Variants in CAMKK2 observed in about 807,000 individuals in gnomAD.
CAMKK2 encodes the protein calcium/calmodulin dependent protein kinase kinase 2, also known as calcium/calmodulin-dependent protein kinase kinase 2.
A neutral mutation model predicts 67.2 loss-of-function variants in CAMKK2; 30 were observed. The observed-to-expected ratio is 0.45, with a 90% CI of 0.33 to 0.61. The LOEUF is 0.61. CAMKK2 is among the 20% of genes least tolerant of loss of function. The pLI, the probability that CAMKK2 is intolerant of heterozygous loss-of-function variation, is 0.02. For synonymous variants in CAMKK2, 322 were observed against 326.2 expected (o/e 0.99, Z 0.14); for missense variants, 643 against 802.0 (o/e 0.80, Z 2.39).
chr12:121,271,396 C>G (rs1452668947), intron 2 of CAMKK2, among the ~76,000 whole-genome samples: 2 of 152,056 alleles, frequency 1.3e-5, no homozygotes, highest in Non-Finnish European at 2.9e-5. Context: ...CGCACCTCTG[C>G]CCTCCCCCAG....
chr12:121,287,294 GCATCA>G (rs1289382661), intron 1 of CAMKK2, among the ~76,000 whole-genome samples: 1 of 152,102 alleles, frequency 6.6e-6, no homozygotes, highest in Admixed American at 6.6e-5. Flanking sequence ...TTGTCCATAT[GCATCA>G]CATTTTACAA....
At chr12:121,270,385 A>G (rs1357924931) in intron 3 of CAMKK2, among the ~76,000 whole-genome samples, 1 of 151,798 alleles carries the variant, frequency 6.6e-6, no homozygotes, top group Non-Finnish European at 1.5e-5. Flanking sequence ...AAAAAAAAAA[A>G]TCAAGATTCC....
chr12:121,270,760 T>C (rs1487638256), intron 3 of CAMKK2, 138 bp downstream of exon 3: 2 of 642,668 alleles, frequency 3.1e-6, no homozygotes, highest in Non-Finnish European at 5.6e-6. Flanking sequence ...AAAACCTAGA[T>C]CATTAATGAC....
At chr12:121,242,975 C>T (rs1888668958) in intron 16 of CAMKK2, among the ~76,000 whole-genome samples, 1 of 151,984 alleles carries the variant, frequency 6.6e-6, no homozygotes. Context: ...ATCTCCTGAC[C>T]TCGTCATTCG....
At position 121,248,621 on chromosome 12, in the gene CAMKK2, G is replaced by C; in HGVS notation, c.1437C>G (p.Pro479=). 1 of 1,614,206 alleles carries C rather than the reference G, an allele frequency of 6.2e-7. No individual in the cohort carries two copies. The highest frequency in any genetic ancestry group is 8.5e-7 in the Non-Finnish European group (1 of 1,180,016). The change falls in exon 14 of 17, where the codon CCC becomes CCG. Residue 479 remains proline (P), a synonymous_variant. Transcript: ENST00000404169. ...EEVENSVKHI[P]SLATVILVKT... ...TCCACCTTACCACGGTTGCCAAGCT[G>C]GGAATGTGTTTGACTGAGTTCTCGA...
intron 14 of CAMKK2, among the ~76,000 whole-genome samples, chr12:121,247,535 C>T (rs1188582856): frequency 1.3e-5 from 2 of 152,108 alleles, no homozygotes; most frequent in East Asian, 1.9e-4. Context: ...GTGCAGAGTC[C>T]GACGCCAGCT....
At position 121,248,660 on chromosome 12, in the gene CAMKK2, C is replaced by A; in HGVS notation, c.1398G>T (p.Val466=). 6.2e-7 allele frequency: 1 copy of A among 1,614,222 alleles called. No individual in the cohort carries two copies. The highest frequency in any genetic ancestry group is 1.1e-5 in the South Asian group (1 of 91,084). The change falls in exon 14 of 17, where the codon GTG becomes GTT. Residue 466 remains valine (V), a synonymous_variant. Transcript: ENST00000404169. The stretch of plus-strand genomic sequence containing the variant: ...CTGAGTTCTCGACCTCCTCTTCAGT[C>A]ACTTCGACCAGCGTGCAGTTCTCAT... ...SEDENCTLVE[V]TEEEVENSVK...
chr12:121,257,503 C>T (rs1417789896), intron 7 of CAMKK2, among the ~76,000 whole-genome samples: 2 of 152,166 alleles, frequency 1.3e-5, no homozygotes, highest in African/African-American at 4.8e-5. Flanking sequence ...CCACCTCGGC[C>T]TCCCAAAGTG....
intron 9 of CAMKK2, among the ~76,000 whole-genome samples, chr12:121,255,121 C>T (rs769368623): frequency 1.4e-5 from 2 of 141,368 alleles, no homozygotes; most frequent in South Asian, 4.3e-4. Context: ...GCTCTCCTTG[C>T]TCCTCAAGCT....
At chr12:121,270,159 G>T (rs1250718204) in intron 3 of CAMKK2, among the ~76,000 whole-genome samples, 1 of 152,050 alleles carries the variant, frequency 6.6e-6, no homozygotes. Context: ...ATCACTTGAG[G>T]TCAGGTTTGA....
rs758187344 is a variant in CAMKK2, at chr12:121,249,913, C to T, written c.1236-39G>A. On this transcript the variant is annotated intron_variant, in intron 12 of 16. Coordinates refer to ENST00000404169, the MANE Select transcript of CAMKK2 (RefSeq NM_001270485.2). The stretch of plus-strand genomic sequence containing the variant: ...GGCGTCAGGGTGGCAGACACGGGAC[C>T]GCCAAGAACTCGGACAGGAGAGATG... The T allele has an allele frequency of 2.0e-5, 33 of 1,611,522 alleles. No homozygotes were observed. The Admixed American group carries it at 4.0e-4, about 20-fold the overall frequency.
chr12:121,268,035 A>T (rs12227572), intron 5 of CAMKK2, among the ~76,000 whole-genome samples: 60,158 of 142,436 alleles, frequency 0.42, 13,493 homozygotes, highest in African/African-American at 0.56. Flanking sequence ...TTGGGGCATG[A>T]ATTGGTACTT....
intron 5 of CAMKK2, 79 bp from the exon 6 acceptor site, chr12:121,264,018 A>G: frequency 2.2e-6 from 3 of 1,382,416 alleles, no homozygotes; most frequent in Non-Finnish European, 2.9e-6. Flanking sequence ...TGGGATGCCA[A>G]AAGGTGGGAT....
upstream of CAMKK2, chr12:121,296,759 G>T (rs543759046): frequency 6.8e-6 from 1 of 146,570 alleles, no homozygotes; most frequent in Non-Finnish European, 1.5e-5. This position sits in a 1 kb window ranked among gnomAD's most constrained non-coding sequence, Gnocchi z 7.1. Context: ...CGCGCGGGGG[G>T]CGGGGGCGGG....
At chr12:121,241,931 C>A (rs1888462277) in intron 16 of CAMKK2, among the ~76,000 whole-genome samples, 1 of 152,220 alleles carries the variant, frequency 6.6e-6, no homozygotes, top group Admixed American at 6.5e-5. Context: ...ACCAAGGCAT[C>A]CTACCTGCTG....
In CAMKK2 at chr12:121,239,415, A is replaced by T. The variant is rs910307124; in HGVS notation, c.*1284T>A. 2.6e-5 allele frequency: 4 copies of T among 152,238 alleles called. No homozygotes were observed. The East Asian group carries it at 7.7e-4, about 29-fold the overall frequency. The allele number at this position is 152,238 out of a possible 1,614,324, so 9.4% of individuals were successfully genotyped here. A position where few individuals can be genotyped will look rare whatever the true frequency, so the allele number is the denominator to read the frequency against. On this transcript the variant is annotated 3_prime_UTR_variant, in exon 17 of 17. Transcript: ENST00000404169. ...ATGAACCCTTTCTTTCTGGACTTTTAGCTACAAAGGGGAACTTCCTGTGCC... is the reference window on the plus strand; with the variant it reads ...ATGAACCCTTTCTTTCTGGACTTTTTGCTACAAAGGGGAACTTCCTGTGCC...
At chr12:121,272,598 C>T (rs1158865311) in intron 2 of CAMKK2, among the ~76,000 whole-genome samples, 2 of 151,610 alleles carry the variant, frequency 1.3e-5, no homozygotes, top group Non-Finnish European at 2.9e-5. Flanking sequence ...CACAGTGGCT[C>T]ATGCCTGTAA....
chr12:121,255,908 G>C, intron 7 of CAMKK2, 104 bp from the exon 8 acceptor site: 1 of 1,068,594 alleles, frequency 9.4e-7, no homozygotes, highest in South Asian at 1.3e-5. Flanking sequence ...AAGAAAGACA[G>C]AAACTAGTAT....
Position 121,255,231 on chromosome 12 carries a change from T to TAATTATATATAC in CAMKK2, c.907+318_907+319insGTATATATAATT, listed in dbSNP as rs1226115257. ...TTATATATATAATTTTATATATATATAATTTTATATATATATAATTATATA... is the reference window on the plus strand; with the variant it reads ...TTATATATATAATTTTATATATATATAATTATATATACAATTTTATATATATATAATTATATA... On this transcript the variant is annotated intron_variant, in intron 9 of 16. Transcript: ENST00000404169. Among the ~76,000 whole-genome samples, 101 of 49,920 alleles carry TAATTATATATAC rather than the reference T, an allele frequency of 2.0e-3. 12 individuals are homozygous for TAATTATATATAC. Among genetic ancestry groups the TAATTATATATAC allele is most frequent in the African/African-American group, 7.2e-3 (98 of 13,670 alleles). 32.7% of individuals were successfully genotyped at this position (49,920 alleles called of 152,430 possible).
Sources: allele counts gnomAD v4.1 joint callset (sites outside exome capture counted in the v4.1 genomes callset), GRCh38; gene constraint gnomAD v4.1.1; non-coding constraint Gnocchi (gnomAD v3.1); transcripts MANE v1.5; gene names NCBI Gene and HGNC (gene_info 2026-07-23, HGNC 2026-07-21).